Variants in FAM193A observed in about 807,000 individuals in gnomAD.
FAM193A encodes family with sequence similarity 193 member A.
Under a neutral mutation model 126.5 loss-of-function variants are expected in FAM193A, and 22 were observed. The ratio of observed to expected loss-of-function variants is 0.17; its 90% CI spans 0.12 to 0.25. FAM193A has a LOEUF of 0.25. FAM193A is among the 10% of genes least tolerant of loss of function. The pLI is 1.00. For missense variants in FAM193A, 1,675 were observed against 1,672.8 expected (o/e 1.00, Z -0.02); for synonymous variants, 761 against 646.8 (o/e 1.18, Z -2.68).
rs569925997 is a variant in FAM193A at position 2,679,963 on chromosome 4, C to T, written c.2331+7591C>T. On this transcript the variant is annotated intron_variant, in intron 13 of 20. Transcript: ENST00000637812. ...CAACCTCCGCCTCTCAGATTCTAAG[C>T]GATTCCCTGGCCTCAGCCTCCAAAG... Among the ~76,000 whole-genome samples the T allele has an allele frequency of 2.6e-5, 4 of 151,892 alleles. No individual in the cohort carries two copies. The East Asian group carries it at 7.8e-4, about 30-fold the overall frequency.
At chr4:2,645,295 A>T (rs1745021693) in intron 6 of FAM193A, among the ~76,000 whole-genome samples, 1 of 152,110 alleles carries the variant, frequency 6.6e-6, no homozygotes, top group African/African-American at 2.4e-5. Flanking sequence ...ACACTGATAG[A>T]CTTAGGTATT....
At chr4:2,567,191 A>G (rs1417775685) in intron 1 of FAM193A, among the ~76,000 whole-genome samples, 2 of 147,928 alleles carry the variant, frequency 1.4e-5, no homozygotes, top group Non-Finnish European at 3.0e-5. Context: ...CTCGTGATCC[A>G]CCCGCCTTTG....
At chr4:2,650,097 C>T (rs1184536828) in intron 7 of FAM193A, among the ~76,000 whole-genome samples, 1 of 152,122 alleles carries the variant, frequency 6.6e-6, no homozygotes, top group African/African-American at 2.4e-5. Context: ...TCAGGGCTCC[C>T]ACTAATTGTG....
At chr4:2,720,487 A>AC (rs1489328447) in intron 20 of FAM193A, among the ~76,000 whole-genome samples, 3 of 152,072 alleles carry the variant, frequency 2.0e-5, no homozygotes, top group African/African-American at 7.2e-5. Context: ...TACTGTCTCT[A>AC]CAAAAAATAA....
chr4:2,610,895 G>T (rs568655668), intron 2 of FAM193A, among the ~76,000 whole-genome samples: 2 of 151,986 alleles, frequency 1.3e-5, no homozygotes, highest in African/African-American at 4.8e-5. Flanking sequence ...GCACCACCAC[G>T]CCCAGCTAGT....
chr4:2,711,957 G>A (rs546831341), intron 19 of FAM193A, among the ~76,000 whole-genome samples: 25 of 152,158 alleles, frequency 1.6e-4, no homozygotes, highest in Admixed American at 7.2e-4. Flanking sequence ...ATTTCCATGC[G>A]TCTTTTTTCT....
intron 1 of FAM193A, among the ~76,000 whole-genome samples, chr4:2,577,521 C>T (rs868389198): frequency 8.0e-5 from 12 of 150,614 alleles, no homozygotes; most frequent in Middle Eastern, 3.4e-3. Flanking sequence ...TGGGTTCAAG[C>T]GATTCTACTG....
intron 1 of FAM193A, among the ~76,000 whole-genome samples, chr4:2,576,692 C>G (rs1162858293): frequency 6.6e-6 from 1 of 152,148 alleles, no homozygotes; most frequent in Non-Finnish European, 1.5e-5. Context: ...TAGAGGCAAA[C>G]AAAATCTATA....
intron 6 of FAM193A, among the ~76,000 whole-genome samples, chr4:2,644,228 C>G (rs957890011): frequency 2.0e-5 from 3 of 152,166 alleles, no homozygotes; most frequent in African/African-American, 2.4e-5. Context: ...CCTCCCCCAC[C>G]CACTTTGCTC....
chr4:2,676,727 G>T, intron 13 of FAM193A, among the ~76,000 whole-genome samples: 1 of 152,140 alleles, frequency 6.6e-6, no homozygotes, highest in South Asian at 2.1e-4. Context: ...CGGATCACGA[G>T]GTCAGGAGGT....
chr4:2,643,594 C>T (rs1258713830), intron 6 of FAM193A, among the ~76,000 whole-genome samples: 3 of 152,140 alleles, frequency 2.0e-5, no homozygotes, highest in Non-Finnish European at 4.4e-5. Flanking sequence ...TTCCCCATAG[C>T]CTTTGAAAGT....
intron 5 of FAM193A, among the ~76,000 whole-genome samples, chr4:2,637,474 CAGAA>C (rs1456609503): frequency 6.6e-6 from 1 of 151,706 alleles, no homozygotes; most frequent in Non-Finnish European, 1.5e-5. Context: ...TCGACAAAGA[CAGAA>C]AGATCTCAAA....
chr4:2,543,869 CAAAAAAAAAAAAA>C (rs71178473), intron 1 of FAM193A, among the ~76,000 whole-genome samples: 4 of 71,756 alleles, frequency 5.6e-5, no homozygotes, highest in East Asian at 4.8e-4. Flanking sequence ...GACATTGTCT[CAAAAAAAAAAAAA>C]AAAAAAAAAA....
At chr4:2,583,233 CA>C (rs1740052747) in intron 1 of FAM193A, among the ~76,000 whole-genome samples, 1 of 152,232 alleles carries the variant, frequency 6.6e-6, no homozygotes, top group African/African-American at 2.4e-5. Context: ...CTCGGCCTTC[CA>C]AAGTGCTGGG....
intron 2 of FAM193A, among the ~76,000 whole-genome samples, chr4:2,612,974 T>C (rs1486604071): frequency 1.3e-5 from 2 of 152,258 alleles, no homozygotes; most frequent in Admixed American, 6.5e-5. Context: ...GGATTTTAAC[T>C]GGCATTGTGT....
At chr4:2,590,476 C>A (rs76340923) in intron 1 of FAM193A, among the ~76,000 whole-genome samples, 13,422 of 36,150 alleles carry the variant, frequency 0.37, 2,077 homozygotes, top group Middle Eastern at 0.43. Flanking sequence ...AAAAAAAAAA[C>A]AAAAAAAAAC....
chr4:2,619,312 A>AT (rs1742397023), intron 2 of FAM193A, among the ~76,000 whole-genome samples: 2 of 149,132 alleles, frequency 1.3e-5, no homozygotes, highest in Admixed American at 6.7e-5. Context: ...TTTCTTTTTT[A>AT]TTTTTTTGAG....
chr4:2,646,757 C>T lies in FAM193A; in HGVS notation c.1236C>T (p.Ser412=), dbSNP rs562276379. The change falls in exon 7 of 21, where the codon TCC becomes TCT. Residue 412 remains serine (S), a synonymous_variant. Transcript: ENST00000637812. ...CCTTGCTGCAGAGGTACCAGCGTTCCGAGGAGGAGCTGCGCAGAGTCGCCG... is the reference window on the plus strand; with the variant it reads ...CCTTGCTGCAGAGGTACCAGCGTTCTGAGGAGGAGCTGCGCAGAGTCGCCG... ...YSTLLQRYQR[S]EEELRRVAEE... is the part of the protein sequence containing the mutation. 2.8e-5 allele frequency: 46 copies of T among 1,614,066 alleles called. No homozygotes were observed. The highest frequency in any genetic ancestry group is 1.7e-4 in the Middle Eastern group (1 of 6,060).
chr4:2,612,182 G>A (rs1424978223), intron 2 of FAM193A, among the ~76,000 whole-genome samples: 1 of 151,402 alleles, frequency 6.6e-6, no homozygotes, highest in East Asian at 2.0e-4. Context: ...TTCCATGTAA[G>A]AAATCTTTGC....
Sources: allele counts gnomAD v4.1 joint callset (sites outside exome capture counted in the v4.1 genomes callset), GRCh38; gene constraint gnomAD v4.1.1; transcripts MANE v1.5; gene names NCBI Gene and HGNC (gene_info 2026-07-23, HGNC 2026-07-21).